EIPR1: variants seen among roughly 807,000 people sequenced by gnomAD.
The protein encoded by EIPR1 is EARP complex and GARP complex interacting protein 1, also known as EARP and GARP complex-interacting protein 1.
A neutral mutation model predicts 48.1 loss-of-function variants in EIPR1; 25 were observed. The observed-to-expected ratio is 0.52, with a 90% confidence interval of 0.38 to 0.73. The LOEUF (loss-of-function observed/expected upper bound fraction) is 0.73, where lower values mean the gene tolerates loss of function less well. Among genes scored for constraint, EIPR1 ranks in the 30% least tolerant of loss-of-function variants. The pLI, the probability that EIPR1 is intolerant of heterozygous loss-of-function variation, is 0.00. For synonymous variants in EIPR1, 204 were observed against 201.9 expected (o/e 1.01, Z -0.09); for missense variants, 415 against 506.2 (o/e 0.82, Z 1.73).
intron 2 of EIPR1, among the ~76,000 whole-genome samples, chr2:3,342,540 G>A (rs1424677095): frequency 2.0e-5 from 3 of 152,218 alleles, no homozygotes; most frequent in African/African-American, 4.8e-5. Context: ...CCCTCGGCCT[G>A]GCTGCAGGTC....
At chr2:3,256,500 T>C (rs1297372961) in intron 4 of EIPR1, among the ~76,000 whole-genome samples, 1 of 152,144 alleles carries the variant, frequency 6.6e-6, no homozygotes, top group African/African-American at 2.4e-5. Flanking sequence ...ATTTAATAAG[T>C]ATTTGTTGTA....
rs3849402 is a variant in EIPR1 at position 3,257,532 on chromosome 2, T to A, written c.260-77A>T. ...ATTCTGCAGACAGCACACGCACATT[T>A]ACACAAATCCATAAGCAGCGCGCAT... On this transcript the variant is annotated intron_variant, in intron 3 of 8. Transcript: ENST00000382125. 1,973 of 1,544,114 alleles carry A rather than the reference T, an allele frequency of 1.3e-3. 26 individuals are homozygous for A. In the African/African-American group the frequency reaches 0.025, roughly 19 times the overall value.
chr2:3,284,719 A>G (rs1668124212), intron 3 of EIPR1, among the ~76,000 whole-genome samples: 2 of 152,144 alleles, frequency 1.3e-5, no homozygotes, highest in Admixed American at 1.3e-4. Context: ...CAGGATTCCA[A>G]CTCGAGTCTG....
chr2:3,294,846 C>CA (rs1668492214), intron 3 of EIPR1, among the ~76,000 whole-genome samples: 2 of 130,580 alleles, frequency 1.5e-5, no homozygotes, highest in East Asian at 2.6e-4. Flanking sequence ...CATCCTCTCT[C>CA]CACATACCCT....
At chr2:3,281,938 G>C (rs1232340684) in intron 3 of EIPR1, among the ~76,000 whole-genome samples, 1 of 152,158 alleles carries the variant, frequency 6.6e-6, no homozygotes, top group African/African-American at 2.4e-5. Flanking sequence ...AAGCACTAGA[G>C]GGGCTCACAT....
At chr2:3,295,494 T>TCC (rs1303856579) in intron 3 of EIPR1, among the ~76,000 whole-genome samples, 1 of 114,328 alleles carries the variant, frequency 8.7e-6, no homozygotes, top group Non-Finnish European at 1.7e-5. Context: ...GCCCATCCTC[T>TCC]CTGCACACAT....
intron 3 of EIPR1, among the ~76,000 whole-genome samples, chr2:3,318,152 G>A (rs749566006): frequency 1.1e-4 from 16 of 152,268 alleles, no homozygotes; most frequent in Non-Finnish European, 1.5e-4. Flanking sequence ...TGTGGGCCAA[G>A]GGCAGGGCGC....
At chr2:3,318,488 A>G (rs1214303357) in intron 3 of EIPR1, among the ~76,000 whole-genome samples, 2 of 152,214 alleles carry the variant, frequency 1.3e-5, no homozygotes, top group East Asian at 3.8e-4. Context: ...CAGAAAGTCA[A>G]TGAGGACAGA....
intron 4 of EIPR1, among the ~76,000 whole-genome samples, chr2:3,232,430 G>A (rs62119034): frequency 0.27 from 40,676 of 151,912 alleles, 6,707 homozygotes; most frequent in Non-Finnish European, 0.38. Flanking sequence ...TCTTCATGTA[G>A]GCATTTATTG....
rs371875650 is a variant in EIPR1, at chr2:3,327,087, C to T, written c.259+10930G>A. Among the ~76,000 whole-genome samples, 868 of 152,346 alleles carry T rather than the reference C, an allele frequency of 5.7e-3. 8 individuals carry two copies. The highest frequency in any genetic ancestry group is 0.02 in the African/African-American group (824 of 41,578). On this transcript the variant is annotated intron_variant, in intron 3 of 8. Coordinates refer to ENST00000382125, the MANE Select transcript of EIPR1 (RefSeq NM_003310.5). ...AGGGAGACAAGTGCTCTGGCAGAAACGGCCACACAGGGGCCGGGAGATGGG... is the reference window on the plus strand; with the variant it reads ...AGGGAGACAAGTGCTCTGGCAGAAATGGCCACACAGGGGCCGGGAGATGGG...
chr2:3,308,680 T>A (rs1451204926), intron 3 of EIPR1, among the ~76,000 whole-genome samples: 1 of 152,170 alleles, frequency 6.6e-6, no homozygotes, highest in Non-Finnish European at 1.5e-5. Context: ...TCAAGTAGCA[T>A]ACACCCCAAG....
chr2:3,223,059 TGA>T (rs1163850916), intron 4 of EIPR1, among the ~76,000 whole-genome samples: 1 of 152,164 alleles, frequency 6.6e-6, no homozygotes, highest in African/African-American at 2.4e-5. Context: ...TGCCCAAGCC[TGA>T]GACTGGCAAG....
At chr2:3,306,089 G>A (rs1185938036) in intron 3 of EIPR1, among the ~76,000 whole-genome samples, 2 of 152,188 alleles carry the variant, frequency 1.3e-5, no homozygotes, top group Admixed American at 6.5e-5. Context: ...ACACAAAAAC[G>A]AAACTGGGGT....
At chr2:3,200,857 C>A (rs574428909) in intron 5 of EIPR1, among the ~76,000 whole-genome samples, 2 of 152,206 alleles carry the variant, frequency 1.3e-5, no homozygotes, top group African/African-American at 4.8e-5. Flanking sequence ...CAGCCAGGGT[C>A]CAGGCCAGCT....
rs560832327 is a variant in EIPR1, at chr2:3,248,454, C to T, written c.416+8845G>A. Reference sequence around the variant, plus strand: ...ACTAAAAGTACAAAAATTAGCCAGGCGTGGTGGTGGGCGCCTGTAATCCCA... The same window carrying T: ...ACTAAAAGTACAAAAATTAGCCAGGTGTGGTGGTGGGCGCCTGTAATCCCA... On this transcript the variant is annotated intron_variant, in intron 4 of 8. Transcript: ENST00000382125. Among the ~76,000 whole-genome samples the T allele has an allele frequency of 1.1e-3, 168 of 152,258 alleles. No homozygotes were observed. In the South Asian group the frequency reaches 0.014, roughly 12 times the overall value.
At position 3,270,601 on chromosome 2, in the gene EIPR1, CTA is replaced by C. The variant is rs1667675272; in HGVS notation, c.260-13148_260-13147del. On this transcript the variant is annotated intron_variant, in intron 3 of 8. Transcript: ENST00000382125. ...AGTGCATGTAAAAGTTATGCTGACA[CTA>C]TAATGCAGTCAAGTAAGTGTCCAAT... Among the ~76,000 whole-genome samples, 4 of 152,186 alleles carry C rather than the reference CTA, an allele frequency of 2.6e-5. No homozygotes were observed. The South Asian group carries it at 8.3e-4, about 32-fold the overall frequency.
chr2:3,208,379 C>A, intron 5 of EIPR1: 1 of 1,351,192 alleles, frequency 7.4e-7, no homozygotes, highest in Non-Finnish European at 9.8e-7. Context: ...TATAGGGCAT[C>A]AGACCTGACC....
At chr2:3,291,339 C>T (rs991237183) in intron 3 of EIPR1, among the ~76,000 whole-genome samples, 1 of 152,154 alleles carries the variant, frequency 6.6e-6, no homozygotes, top group East Asian at 1.9e-4. Flanking sequence ...ACGCACAGTT[C>T]TGCCGTGTAC....
At chr2:3,296,039 T>TG in intron 3 of EIPR1, among the ~76,000 whole-genome samples, 1 of 51,792 alleles carries the variant, frequency 1.9e-5, no homozygotes, top group Admixed American at 2.5e-4. Context: ...TCCTCTCTAC[T>TG]CACACACACC....
Sources: allele counts gnomAD v4.1 joint callset (sites outside exome capture counted in the v4.1 genomes callset), GRCh38; gene constraint gnomAD v4.1.1; transcripts MANE v1.5; gene names NCBI Gene and HGNC (gene_info 2026-07-23, HGNC 2026-07-21).